CACNA1D: variants seen among roughly 807,000 people sequenced by gnomAD.
The protein encoded by CACNA1D is calcium voltage-gated channel subunit alpha1 D.
In CACNA1D, 55 loss-of-function variants were observed where a neutral mutation model predicts 257.1. The ratio of observed to expected loss-of-function variants is 0.21; its 90% confidence interval spans 0.17 to 0.27. CACNA1D has a LOEUF of 0.27. CACNA1D is among the 10% of genes least tolerant of loss of function. CACNA1D has a pLI of 1.00. For missense variants in CACNA1D, 1,876 were observed against 2,784.0 expected (o/e 0.67, Z 7.34); for synonymous variants, 980 against 1,014.9 (o/e 0.97, Z 0.65).
At chr3:53,748,464 G>C (rs886131202) in intron 26 of CACNA1D, among the ~76,000 whole-genome samples, 1 of 152,208 alleles carries the variant, frequency 6.6e-6, no homozygotes, top group African/African-American at 2.4e-5. Context: ...ATGGAGTAAG[G>C]CCCTTCACTG....
chr3:53,618,879 G>A (rs1246318108), intron 3 of CACNA1D, among the ~76,000 whole-genome samples: 1 of 152,144 alleles, frequency 6.6e-6, no homozygotes, highest in Non-Finnish European at 1.5e-5. Flanking sequence ...GTGACCTCGG[G>A]CAAGTCACTT....
At chr3:53,525,984 G>T (rs536275873) in intron 3 of CACNA1D, among the ~76,000 whole-genome samples, 3 of 152,180 alleles carry the variant, frequency 2.0e-5, no homozygotes, top group African/African-American at 4.8e-5. Flanking sequence ...CCATTCTCAA[G>T]AATTCTCAGA....
chr3:53,586,005 C>T (rs2093208999), intron 3 of CACNA1D, among the ~76,000 whole-genome samples: 1 of 152,158 alleles, frequency 6.6e-6, no homozygotes. Flanking sequence ...CTTCTGCTCT[C>T]TTATTTGATT....
At chr3:53,561,043 T>A (rs1301905030) in intron 3 of CACNA1D, among the ~76,000 whole-genome samples, 1 of 152,236 alleles carries the variant, frequency 6.6e-6, no homozygotes, top group Non-Finnish European at 1.5e-5. Flanking sequence ...ATGTTTTATC[T>A]TAATTCATCT....
At chr3:53,565,016 A>C (rs1013447664) in intron 3 of CACNA1D, among the ~76,000 whole-genome samples, 1 of 152,114 alleles carries the variant, frequency 6.6e-6, no homozygotes, top group Non-Finnish European at 1.5e-5. Flanking sequence ...GTAGGGGCCC[A>C]GTTTAATTTT....
intron 3 of CACNA1D, among the ~76,000 whole-genome samples, chr3:53,525,454 A>G (rs1190231343): frequency 6.6e-6 from 1 of 152,226 alleles, no homozygotes; most frequent in Non-Finnish European, 1.5e-5. Flanking sequence ...TATTTTACTA[A>G]GGAGGAGATG....
At chr3:53,699,473 T>C (rs916724723) in intron 8 of CACNA1D, among the ~76,000 whole-genome samples, 12 of 152,182 alleles carry the variant, frequency 7.9e-5, no homozygotes, top group Non-Finnish European at 1.6e-4. Flanking sequence ...TTGTGTCTGT[T>C]TGGAAGTGAG....
intron 3 of CACNA1D, among the ~76,000 whole-genome samples, chr3:53,617,934 C>T (rs919317339): frequency 8.5e-5 from 13 of 152,168 alleles, no homozygotes; most frequent in African/African-American, 3.1e-4. Context: ...ACCCTTTTGT[C>T]CCCAGCACCC....
chr3:53,630,430 T>C (rs1189546141), intron 3 of CACNA1D, among the ~76,000 whole-genome samples: 1 of 152,216 alleles, frequency 6.6e-6, no homozygotes, highest in Non-Finnish European at 1.5e-5. Context: ...CAGCCTGGTG[T>C]TTTGGAAGAA....
In CACNA1D at chr3:53,732,891, G is replaced by A. The variant is rs1376280962; in HGVS notation, c.2550G>A (p.Glu850=). The part of the protein sequence containing the change: ...PAGPRPRRIS[E]LNMKEKIAPI... ...GACCCCGTCCTCGAAGGATCTCGGA[G>A]TTGAACATGAAGGAAAAAATTGCCC... Residue 850 remains glutamate, a synonymous_variant, in exon 19 of 48, where the codon GAG becomes GAA. Transcript: ENST00000350061. 4.3e-6 allele frequency: 7 copies of A among 1,614,080 alleles called. No individual in the cohort carries two copies. The highest frequency in any genetic ancestry group is 1.6e-4 in the Middle Eastern group (1 of 6,062).
At chr3:53,590,009 C>T (rs1160447758) in intron 3 of CACNA1D, among the ~76,000 whole-genome samples, 1 of 152,224 alleles carries the variant, frequency 6.6e-6, no homozygotes, top group Non-Finnish European at 1.5e-5. Context: ...CCTGGGCTCT[C>T]CTCCTTGGCC....
intron 3 of CACNA1D, among the ~76,000 whole-genome samples, chr3:53,633,385 G>T (rs2093844405): frequency 6.6e-6 from 1 of 152,210 alleles, no homozygotes; most frequent in Non-Finnish European, 1.5e-5. Flanking sequence ...TGCTCGGGAG[G>T]CGGAGGTTGT....
At chr3:53,809,732 T>C in intron 46 of CACNA1D, 1 of 564,114 alleles carries the variant, frequency 1.8e-6, no homozygotes, top group Non-Finnish European at 3.2e-6. Context: ...TAGCAACTGA[T>C]ACCTCCTTGG....
intron 8 of CACNA1D, among the ~76,000 whole-genome samples, chr3:53,689,393 A>G (rs2094500400): frequency 6.6e-6 from 1 of 151,650 alleles, no homozygotes; most frequent in Non-Finnish European, 1.5e-5. Context: ...GAGTGTTTGA[A>G]ATAAGGTGAT....
At chr3:53,619,543 G>A (rs200062288) in intron 3 of CACNA1D, among the ~76,000 whole-genome samples, 1 of 152,194 alleles carries the variant, frequency 6.6e-6, no homozygotes, top group East Asian at 1.9e-4. Flanking sequence ...CTAAGCGGGT[G>A]CTGTGGCTAT....
intron 14 of CACNA1D, 102 bp from the exon 15 acceptor site, chr3:53,726,777 A>T (rs2094939144): frequency 4.1e-6 from 6 of 1,453,190 alleles, no homozygotes; most frequent in Non-Finnish European, 5.8e-6. Flanking sequence ...CTGGACTGTG[A>T]AAGGCAGCTT....
rs555653361 is a variant in CACNA1D at position 53,781,882 on chromosome 3, C to T, written c.4792+215C>T. 211 of 568,642 alleles carry T rather than the reference C, an allele frequency of 3.7e-4. 1 individual carries two copies. Among genetic ancestry groups the T allele is most frequent in the Admixed American group, 1.5e-3 (49 of 32,292 alleles). The allele number at this position is 568,642 out of a possible 1,614,324, so 35.2% of individuals were successfully genotyped here. On this transcript the variant is annotated intron_variant, in intron 39 of 47. Transcript: ENST00000350061. ...ACAAAGGAGAGGCTTCAGTGAAAAA[C>T]CAAAACTCACATGGCTGGAGCAGGG...
chr3:53,691,464 T>G (rs994989761), intron 8 of CACNA1D, among the ~76,000 whole-genome samples: 4 of 151,602 alleles, frequency 2.6e-5, no homozygotes, highest in Admixed American at 6.6e-5. Flanking sequence ...TCTGTAACTT[T>G]TAGCATGCAA....
chr3:53,732,295 G>C (rs995379985), intron 18 of CACNA1D, among the ~76,000 whole-genome samples: 5 of 152,234 alleles, frequency 3.3e-5, no homozygotes, highest in African/African-American at 1.2e-4. Flanking sequence ...GAAAGTGCAG[G>C]TGGGTCAGGG....
Sources: allele counts gnomAD v4.1 joint callset (sites outside exome capture counted in the v4.1 genomes callset), GRCh38; gene constraint gnomAD v4.1.1; transcripts MANE v1.5; gene names NCBI Gene and HGNC (gene_info 2026-07-23, HGNC 2026-07-21).